CCDC141: variants seen among roughly 807,000 people sequenced by gnomAD.
CCDC141 encodes coiled-coil domain-containing protein 141.
A neutral mutation model predicts 181.0 loss-of-function variants in CCDC141; 168 were observed. That is an observed-to-expected ratio of 0.93 (90% CI 0.82 to 1.05). The LOEUF (loss-of-function observed/expected upper bound fraction) is 1.05. Ranked by LOEUF, CCDC141 falls within the 50% of genes least tolerant of loss-of-function variation. The pLI is 0.00. For synonymous variants in CCDC141, 666 were observed against 642.3 expected (o/e 1.04, Z -0.56); for missense variants, 1,902 against 1,788.5 (o/e 1.06, Z -1.14).
At chr2:178,986,667 C>T (rs967942524) in intron 2 of CCDC141, among the ~76,000 whole-genome samples, 1 of 151,680 alleles carries the variant, frequency 6.6e-6, no homozygotes, top group African/African-American at 2.4e-5. Flanking sequence ...TTCCTATACA[C>T]CAACAACAGA....
Position 178,970,694 on chromosome 2 carries a change from C to G in CCDC141, c.526+4363G>C, listed in dbSNP as rs542031366. ...AGAAGAAAACCTGGGCAATACCATT[C>G]AAGACACAGGCATGGGAAAAGACTT... is the stretch of plus-strand genomic sequence containing the variant. On this transcript the variant is annotated intron_variant, in intron 4 of 23. Transcript: ENST00000443758. 6.6e-5 allele frequency among the ~76,000 whole-genome samples: 10 copies of G among 152,250 alleles called. No homozygotes were observed. In the South Asian group the frequency reaches 1.9e-3, roughly 28 times the overall value.
chr2:178,864,540 G>A (rs1282963755), intron 17 of CCDC141, among the ~76,000 whole-genome samples: 1 of 152,200 alleles, frequency 6.6e-6, no homozygotes, highest in East Asian at 1.9e-4. Context: ...CTACAGTCCT[G>A]TAGCACACCG....
At chr2:178,944,504 T>A (rs1430032930) in intron 6 of CCDC141, 31 bp downstream of exon 6, 3 of 1,074,474 alleles carry the variant, frequency 2.8e-6, no homozygotes, top group Non-Finnish European at 3.9e-6. Flanking sequence ...CATTTTTCAA[T>A]TATTTTTAGT....
chr2:178,851,165 C>T (rs1685149416), intron 20 of CCDC141, among the ~76,000 whole-genome samples: 1 of 148,454 alleles, frequency 6.7e-6, no homozygotes, highest in African/African-American at 2.5e-5. Flanking sequence ...GAGATCATGC[C>T]ACTGCACTCC....
intron 2 of CCDC141, chr2:179,002,361 G>A: frequency 7.1e-6 from 2 of 283,668 alleles, no homozygotes; most frequent in Non-Finnish European, 1.4e-5. Context: ...CATTGTGGAT[G>A]TCAATCTAAA....
intron 2 of CCDC141, among the ~76,000 whole-genome samples, chr2:179,043,385 C>A (rs1295089512): frequency 6.6e-6 from 1 of 151,984 alleles, no homozygotes; most frequent in African/African-American, 2.4e-5. Flanking sequence ...CAAAACCTGG[C>A]AGAGATACAA....
intron 8 of CCDC141, among the ~76,000 whole-genome samples, chr2:178,903,422 C>T: frequency 6.6e-6 from 1 of 152,002 alleles, no homozygotes; most frequent in East Asian, 1.9e-4. Flanking sequence ...GAATACTATG[C>T]AGTCATAAAA....
chr2:178,937,988 T>G (rs963793518), intron 6 of CCDC141, among the ~76,000 whole-genome samples: 1 of 152,198 alleles, frequency 6.6e-6, no homozygotes, highest in African/African-American at 2.4e-5. Flanking sequence ...CCAATCTACC[T>G]TATTAAGTTT....
At chr2:179,038,940 CA>C (rs1271504378) in intron 2 of CCDC141, among the ~76,000 whole-genome samples, 2 of 152,184 alleles carry the variant, frequency 1.3e-5, no homozygotes, top group Admixed American at 6.5e-5. Flanking sequence ...ACATTCTTGG[CA>C]ACTTCCCTAA....
At chr2:179,027,804 C>T (rs1039018353) in intron 2 of CCDC141, among the ~76,000 whole-genome samples, 2 of 152,012 alleles carry the variant, frequency 1.3e-5, no homozygotes, top group African/African-American at 2.4e-5. Flanking sequence ...GTCCATTAAA[C>T]CTCTTTCTTT....
intron 2 of CCDC141, among the ~76,000 whole-genome samples, chr2:179,032,213 C>G (rs1202184442): frequency 2.0e-5 from 3 of 152,012 alleles, no homozygotes; most frequent in Non-Finnish European, 2.9e-5. Context: ...GACCAAGCAG[C>G]AGAAAGGATG....
intron 2 of CCDC141, among the ~76,000 whole-genome samples, chr2:179,025,588 T>A (rs2042820118): frequency 6.6e-6 from 1 of 152,166 alleles, no homozygotes; most frequent in Non-Finnish European, 1.5e-5. Context: ...AATTGCCTAG[T>A]CTTGGGTATG....
intron 2 of CCDC141, among the ~76,000 whole-genome samples, chr2:178,993,865 A>G (rs1212528764): frequency 6.6e-6 from 1 of 152,224 alleles, no homozygotes; most frequent in African/African-American, 2.4e-5. Flanking sequence ...GCCCCATGAA[A>G]GTCCGAAATC....
At position 179,015,228 on chromosome 2, in the gene CCDC141, C is replaced by T. The variant is rs1214988554; in HGVS notation, c.225+32056G>A. 2.1e-3 allele frequency among the ~76,000 whole-genome samples: 51 copies of T among 23,994 alleles called. 2 individuals carry two copies. The East Asian group carries it at 0.071, about 33-fold the overall frequency. 15.7% of individuals were successfully genotyped at this position (23,994 alleles called of 152,430 possible). A position where few individuals can be genotyped will look rare whatever the true frequency, so the allele number is the denominator to read the frequency against. On this transcript the variant is annotated intron_variant, in intron 2 of 23. Transcript: ENST00000443758. ...ATATATATCATATATCTCATATATA[C>T]CTCATATATATATCTCATATATATC...
Position 178,905,421 on chromosome 2 carries a change from C to T in CCDC141, c.1173G>A (p.Val391=). The change falls in exon 8 of 24, where the codon GTG becomes GTA. Residue 391 remains valine, a synonymous_variant. Transcript: ENST00000443758. Reference sequence around the variant, plus strand: ...TTTTTCTGTGTAATTCCTCATGCCTCACTGCCAAAACAGCCAGACTTAAAC... The same window carrying T: ...TTTTTCTGTGTAATTCCTCATGCCTTACTGCCAAAACAGCCAGACTTAAAC... ...SEGLSLAVLA[V]RHEELHRKIK... is the part of the protein sequence containing the mutation. 6.4e-7 allele frequency: 1 copy of T among 1,550,992 alleles called. No individual in the cohort carries two copies. Among genetic ancestry groups the T allele is most frequent in the Non-Finnish European group, 8.7e-7 (1 of 1,147,030 alleles).
chr2:178,911,727 T>G (rs1288543578), intron 7 of CCDC141, among the ~76,000 whole-genome samples: 2 of 152,228 alleles, frequency 1.3e-5, no homozygotes, highest in Non-Finnish European at 2.9e-5. Flanking sequence ...CGACAAAAGT[T>G]TTTTGAACCT....
At chr2:178,871,255 A>C (rs1378980415) in intron 14 of CCDC141, among the ~76,000 whole-genome samples, 172 bp downstream of exon 14, 1 of 152,202 alleles carries the variant, frequency 6.6e-6, no homozygotes, top group Non-Finnish European at 1.5e-5. Context: ...AATTCAAAAG[A>C]ATGCAGGAAA....
In CCDC141 at chr2:179,047,550, T is replaced by G. The variant is rs1001003269; in HGVS notation, c.103-144A>C. 9 of 663,932 alleles carry G rather than the reference T, an allele frequency of 1.4e-5. No homozygotes were observed. The South Asian group carries it at 3.4e-4, about 25-fold the overall frequency. 41.1% of individuals were successfully genotyped at this position (663,932 alleles called of 1,614,324 possible). On this transcript the variant is annotated intron_variant, in intron 1 of 23. Coordinates refer to ENST00000443758, the MANE Select transcript of CCDC141 (RefSeq NM_173648.4). ...TTTCTATTTTTTTCCATTCTTTCCA[T>G]AGAGATGGGGTTTACTTAAATTGAA... is the stretch of plus-strand genomic sequence containing the variant.
chr2:178,873,948 T>G (rs1258003111), intron 12 of CCDC141: 1 of 152,214 alleles, frequency 6.6e-6, no homozygotes, highest in Non-Finnish European at 1.5e-5. Context: ...AGCACTTTCA[T>G]CAAGATGTCT....
Sources: gnomAD v4.1 joint callset for allele counts (sites outside exome capture counted in the v4.1 genomes callset) on GRCh38, gnomAD v4.1.1 for gene constraint, MANE v1.5 for transcripts, NCBI Gene and HGNC (gene_info 2026-07-23, HGNC 2026-07-21) for gene names.